The following RAP1GAP2 variants were observed in gnomAD, a reference collection of about 807,000 sequenced individuals.
RAP1GAP2 encodes RAP1 GTPase activating protein 2, also known as rap1 GTPase-activating protein 2.
Under a neutral mutation model 95.0 loss-of-function variants are expected in RAP1GAP2, and 27 were observed. The observed-to-expected ratio is 0.28, with a 90% CI of 0.21 to 0.39. RAP1GAP2 has a LOEUF of 0.39. Among genes scored for constraint, RAP1GAP2 ranks in the 10% least tolerant of loss-of-function variants. The probability of loss-of-function intolerance (pLI) is 1.00; values close to 1 mark genes in which losing one functional copy is unlikely to be tolerated. For synonymous variants in RAP1GAP2, 373 were observed against 380.9 expected (o/e 0.98, Z 0.24); for missense variants, 771 against 970.0 (o/e 0.79, Z 2.72).
intron 11 of RAP1GAP2, among the ~76,000 whole-genome samples, chr17:2,989,601 A>G (rs1218691222): frequency 1.3e-5 from 2 of 152,034 alleles, no homozygotes; most frequent in African/African-American, 2.4e-5. Context: ...CCATAGTGCT[A>G]GAATTGCAGG....
At chr17:2,837,828 G>T (rs554739468) in intron 2 of RAP1GAP2, among the ~76,000 whole-genome samples, 1 of 151,316 alleles carries the variant, frequency 6.6e-6, no homozygotes, top group African/African-American at 2.4e-5. Context: ...GGATGGTCTC[G>T]ATCCCCTGAC....
At chr17:2,968,773 T>A (rs977474763) in intron 8 of RAP1GAP2, among the ~76,000 whole-genome samples, 1 of 152,116 alleles carries the variant, frequency 6.6e-6, no homozygotes, top group African/African-American at 2.4e-5. Flanking sequence ...CCAAAAAACC[T>A]ACACAAATTG....
chr17:2,850,925 T>C (rs2151592885), intron 2 of RAP1GAP2, among the ~76,000 whole-genome samples: 1 of 152,156 alleles, frequency 6.6e-6, no homozygotes, highest in South Asian at 2.1e-4. Flanking sequence ...CCCGATGTGG[T>C]GGCGAATGCC....
chr17:2,889,867 A>G (rs1459557449), intron 2 of RAP1GAP2, among the ~76,000 whole-genome samples: 57 of 30,592 alleles, frequency 1.9e-3, no homozygotes, highest in African/African-American at 5.1e-3. Context: ...GTGTGTGTAT[A>G]TATATATATA....
intron 3 of RAP1GAP2, among the ~76,000 whole-genome samples, chr17:2,927,209 A>G (rs940297696): frequency 4.7e-5 from 7 of 150,006 alleles, no homozygotes; most frequent in Middle Eastern, 3.2e-3. Context: ...GCTGGAGTGC[A>G]GTGGCGCGAT....
At chr17:2,956,874 A>G (rs1203734697) in intron 3 of RAP1GAP2, among the ~76,000 whole-genome samples, 2 of 152,172 alleles carry the variant, frequency 1.3e-5, no homozygotes, top group Non-Finnish European at 2.9e-5. Context: ...CACGCCTGTA[A>G]TCCCAGCACT....
intron 8 of RAP1GAP2, among the ~76,000 whole-genome samples, chr17:2,978,367 A>C (rs528480809): frequency 6.6e-6 from 1 of 152,240 alleles, no homozygotes; most frequent in East Asian, 1.9e-4. Flanking sequence ...GAGATACTGC[A>C]ACAGTCCCTC....
chr17:2,800,463 T>C (rs2069238451), intron 1 of RAP1GAP2, 52 bp from the exon 2 acceptor site: 19 of 1,582,080 alleles, frequency 1.2e-5, no homozygotes, highest in Non-Finnish European at 1.4e-5. Context: ...AGATGCTATG[T>C]AGGAGTCTTC....
In RAP1GAP2 at chr17:3,008,152, G is replaced by A; in HGVS notation, c.1494+7G>A. On this transcript the variant is annotated splice_region_variant and intron_variant, in intron 17 of 24. Transcript: ENST00000254695. The surrounding 1 kb of genome is among the most constrained non-coding windows in gnomAD (Gnocchi z 4.2). ...GTTCCTGGAGTCTTTTAAGGTATGA[G>A]CGTCAGAGTGACTGATGGTTGCTGT... is the stretch of plus-strand genomic sequence containing the variant. 1.2e-6 allele frequency: 2 copies of A among 1,613,902 alleles called. No individual in the cohort carries two copies. Among genetic ancestry groups the A allele is most frequent in the East Asian group, 2.2e-5 (1 of 44,878 alleles).
chr17:2,876,419 G>T (rs981173631), intron 2 of RAP1GAP2, among the ~76,000 whole-genome samples: 4 of 152,184 alleles, frequency 2.6e-5, no homozygotes, highest in African/African-American at 9.6e-5. Flanking sequence ...ATCCATGTAA[G>T]ATGTCCATTG....
intron 3 of RAP1GAP2, among the ~76,000 whole-genome samples, chr17:2,938,208 A>G (rs2043363094): frequency 6.6e-6 from 1 of 152,088 alleles, no homozygotes; most frequent in African/African-American, 2.4e-5. Flanking sequence ...CATTTTATAG[A>G]TATAGAAACT....
At chr17:2,930,002 C>T (rs1300753710) in intron 3 of RAP1GAP2, among the ~76,000 whole-genome samples, 2 of 152,234 alleles carry the variant, frequency 1.3e-5, no homozygotes, top group Non-Finnish European at 2.9e-5. Context: ...CTCTGAGTAG[C>T]AGTGTGGCCA....
intron 2 of RAP1GAP2, among the ~76,000 whole-genome samples, chr17:2,771,736 C>A (rs938874578): frequency 1.3e-5 from 2 of 152,160 alleles, no homozygotes; most frequent in Admixed American, 6.6e-5. Context: ...GTGATCCACC[C>A]GCCTTGGCCT....
intron 1 of RAP1GAP2, among the ~76,000 whole-genome samples, chr17:2,758,886 A>G (rs1268511091): frequency 6.6e-6 from 1 of 151,962 alleles, no homozygotes; most frequent in African/African-American, 2.4e-5. Flanking sequence ...TGCAGTGGCG[A>G]TCACAGCTCA....
chr17:2,989,665 AT>A lies in RAP1GAP2; in HGVS notation c.814-1621del, dbSNP rs56135563. Among the ~76,000 whole-genome samples the A allele has an allele frequency of 6.2e-3, 934 of 149,606 alleles. 11 individuals carry two copies. Among genetic ancestry groups the A allele is most frequent in the African/African-American group, 0.021 (843 of 40,914 alleles). ...TGTCTTTTGACCATTTTCTAAATGG[AT>A]TTTTTTTTTTAACTGTTGGGTTAAA... On this transcript the variant is annotated intron_variant, in intron 11 of 24. Transcript: ENST00000254695.
At chr17:2,863,543 C>T (rs565915136) in intron 2 of RAP1GAP2, among the ~76,000 whole-genome samples, 2 of 152,248 alleles carry the variant, frequency 1.3e-5, no homozygotes, top group East Asian at 3.9e-4. Context: ...TGAGAGCCAC[C>T]TCCTCCCTTC....
chr17:3,009,842 C>T (rs777683964), intron 17 of RAP1GAP2, among the ~76,000 whole-genome samples: 28 of 151,924 alleles, frequency 1.8e-4, no homozygotes, highest in Admixed American at 1.2e-3. Flanking sequence ...GGAGAGAGGG[C>T]GCCAGGTCAG....
intron 3 of RAP1GAP2, among the ~76,000 whole-genome samples, chr17:2,914,537 C>A (rs912642082): frequency 1.3e-5 from 2 of 152,144 alleles, no homozygotes; most frequent in Non-Finnish European, 2.9e-5. Flanking sequence ...GTCGCCCAGG[C>A]TGGAGTGCAG....
intron 2 of RAP1GAP2, 57 bp from the exon 3 acceptor site, chr17:2,905,224 TGGA>T: frequency 6.7e-7 from 1 of 1,493,222 alleles, no homozygotes; most frequent in African/African-American, 1.4e-5. Flanking sequence ...CAGTCACTCT[TGGA>T]GGAGAGAAGG....
Sources: allele counts gnomAD v4.1 joint callset (sites outside exome capture counted in the v4.1 genomes callset), GRCh38; gene constraint gnomAD v4.1.1; non-coding constraint Gnocchi (gnomAD v3.1); transcripts MANE v1.5; gene names NCBI Gene and HGNC (gene_info 2026-07-23, HGNC 2026-07-21).